The following PRH1 variants were observed in gnomAD, a reference collection of about 807,000 sequenced individuals.
PRH1 encodes the protein salivary acidic proline-rich phosphoprotein 1/2.
In PRH1, 7 loss-of-function variants were observed where a neutral mutation model predicts 7.9. That is an observed-to-expected ratio of 0.89 (90% CI 0.50 to 1.67). The LOEUF (loss-of-function observed/expected upper bound fraction) is 1.67, where lower values mean the gene tolerates loss of function less well. PRH1 is among the 40% of genes most tolerant of loss of function. PRH1 has a pLI of 0.00. For synonymous variants in PRH1, 45 were observed against 80.8 expected (o/e 0.56, Z 2.38); for missense variants, 109 against 223.6 (o/e 0.49, Z 3.27).
intron 1 of PRH1, among the ~76,000 whole-genome samples, chr12:11,076,615 C>A (rs1488443942): frequency 1.7e-5 from 2 of 119,628 alleles, no homozygotes; most frequent in East Asian, 2.1e-4. Context: ...TCTAACTACA[C>A]ATAAAAAATT....
At chr12:11,112,909 T>A (rs1019719403) in intron 1 of PRH1, among the ~76,000 whole-genome samples, 5 of 152,198 alleles carry the variant, frequency 3.3e-5, no homozygotes, top group Admixed American at 3.3e-4. Context: ...ACCCATCATC[T>A]CAGCCCCAAA....
intron 1 of PRH1, chr12:11,022,223 T>A: frequency 6.2e-7 from 1 of 1,614,092 alleles, no homozygotes; most frequent in Non-Finnish European, 8.5e-7. Context: ...TGGAGAGAAA[T>A]AAGGTTGGAG....
chr12:11,070,008 T>C (rs1198462050), intron 1 of PRH1, among the ~76,000 whole-genome samples: 11 of 152,168 alleles, frequency 7.2e-5, no homozygotes, highest in Middle Eastern at 3.4e-3. Context: ...GACTTTTAGG[T>C]ATAGGGCTTT....
chr12:11,015,685 G>C (rs1429967347), intron 1 of PRH1, among the ~76,000 whole-genome samples: 1 of 152,050 alleles, frequency 6.6e-6, no homozygotes, highest in East Asian at 1.9e-4. Context: ...GGGTTTTTTA[G>C]ATACACAGTC....
At chr12:10,941,626 G>T (rs1254123676) in intron 2 of PRH1, among the ~76,000 whole-genome samples, 2 of 151,054 alleles carry the variant, frequency 1.3e-5, no homozygotes, top group Admixed American at 1.3e-4. Context: ...TTCACTTCTT[G>T]TATCATATTT....
intron 1 of PRH1, among the ~76,000 whole-genome samples, chr12:10,995,790 G>A (rs535787022): frequency 3.9e-5 from 6 of 152,244 alleles, no homozygotes; most frequent in Middle Eastern, 6.8e-3. Flanking sequence ...AACTGGAAGA[G>A]ATGACTTTTC....
At chr12:11,103,687 T>C in intron 1 of PRH1, among the ~76,000 whole-genome samples, 1 of 151,608 alleles carries the variant, frequency 6.6e-6, no homozygotes, top group East Asian at 1.9e-4. Context: ...TAAAGTAAAA[T>C]AAAAATAAAT....
At chr12:10,980,786 G>A (rs1233139572) in intron 1 of PRH1, among the ~76,000 whole-genome samples, 1 of 152,102 alleles carries the variant, frequency 6.6e-6, no homozygotes, top group Non-Finnish European at 1.5e-5. Context: ...AGTAAATAAG[G>A]AAAAAATCAG....
intron 1 of PRH1, among the ~76,000 whole-genome samples, chr12:11,141,350 G>A (rs1462484101): frequency 6.6e-6 from 1 of 152,052 alleles, no homozygotes; most frequent in Non-Finnish European, 1.5e-5. Flanking sequence ...GAAGAGTCTA[G>A]ACTTCTTTCT....
intron 1 of PRH1, among the ~76,000 whole-genome samples, chr12:11,074,398 C>T (rs2167479): frequency 5.6e-5 from 8 of 142,838 alleles, no homozygotes; most frequent in Admixed American, 4.9e-4. Context: ...CCTGAGCATC[C>T]TCTCCACATC....
chr12:11,000,943 C>A (rs575761168), intron 1 of PRH1, among the ~76,000 whole-genome samples: 1 of 152,204 alleles, frequency 6.6e-6, no homozygotes, highest in African/African-American at 2.4e-5. Context: ...AGAAGCAGAA[C>A]AAAGCACTCT....
intron 1 of PRH1, among the ~76,000 whole-genome samples, chr12:11,096,182 A>G (rs1945064218): frequency 8.7e-6 from 1 of 115,510 alleles, no homozygotes; most frequent in Non-Finnish European, 2.1e-5. Context: ...ATCTTCTGGA[A>G]CTGCAGAAGT....
chr12:11,171,437 C>G (rs1400005382), exon 1 of PRH1: 15 of 1,231,958 alleles, frequency 1.2e-5, no homozygotes, highest in African/African-American at 1.6e-5. Flanking sequence ...ACGGCGTCTT[C>G]TGCAAGGGGC....
chr12:11,170,532 G>C (rs1005826649), intron 1 of PRH1, among the ~76,000 whole-genome samples: 1 of 152,204 alleles, frequency 6.6e-6, no homozygotes. Context: ...GGGCGACAGA[G>C]CGAGACTCCC....
intron 1 of PRH1, among the ~76,000 whole-genome samples, chr12:11,093,779 G>A (rs1426408777): frequency 8.8e-6 from 1 of 113,644 alleles, no homozygotes. Context: ...AGAGATTTGA[G>A]ATGGCTTCCA....
chr12:11,019,017 A>C (rs1418387657), intron 1 of PRH1, among the ~76,000 whole-genome samples: 4 of 152,284 alleles, frequency 2.6e-5, no homozygotes, highest in Admixed American at 6.5e-5. Flanking sequence ...TTAAAAAAAA[A>C]CTATCTCTTA....
intron 1 of PRH1, among the ~76,000 whole-genome samples, chr12:10,990,413 C>T (rs550046856): frequency 1.3e-5 from 2 of 152,296 alleles, no homozygotes; most frequent in South Asian, 2.1e-4. Context: ...GACACAAGTA[C>T]GAAGTCCCTG....
At chr12:10,947,965 T>C (rs1439888781) in intron 2 of PRH1, among the ~76,000 whole-genome samples, 2 of 152,198 alleles carry the variant, frequency 1.3e-5, no homozygotes, top group Non-Finnish European at 2.9e-5. Flanking sequence ...CTCCAATCTC[T>C]TCTAATTTGT....
intron 1 of PRH1, among the ~76,000 whole-genome samples, chr12:11,018,963 C>T (rs550345693): frequency 1.3e-5 from 2 of 151,760 alleles, no homozygotes; most frequent in South Asian, 2.1e-4. Flanking sequence ...AAGTAGAAAG[C>T]GGGGAAACAT....
Sources: allele counts gnomAD v4.1 joint callset (sites outside exome capture counted in the v4.1 genomes callset), GRCh38; gene constraint gnomAD v4.1.1; transcripts MANE v1.5; gene names NCBI Gene and HGNC (gene_info 2026-07-23, HGNC 2026-07-21).